Variants in PRKN observed in about 807,000 individuals in gnomAD.
The protein encoded by PRKN is E3 ubiquitin-protein ligase parkin.
A neutral mutation model predicts 59.5 loss-of-function variants in PRKN; 56 were observed. The ratio of observed to expected loss-of-function variants is 0.94; its 90% confidence interval spans 0.76 to 1.18. The LOEUF (loss-of-function observed/expected upper bound fraction) is 1.18. Among genes scored for constraint, PRKN ranks in the 50% most tolerant of loss-of-function variants. The pLI is 0.00. For synonymous variants in PRKN, 250 were observed against 222.1 expected (o/e 1.13, Z -1.12); for missense variants, 657 against 596.4 (o/e 1.10, Z -1.06).
chr6:162,376,197 C>T (rs532836481), intron 2 of PRKN, among the ~76,000 whole-genome samples: 1 of 152,076 alleles, frequency 6.6e-6, no homozygotes, highest in Non-Finnish European at 1.5e-5. Context: ...GGATTTGCCT[C>T]CAAAGAACAC....
intron 5 of PRKN, among the ~76,000 whole-genome samples, chr6:161,976,546 A>G (rs1367226128): frequency 1.3e-5 from 2 of 152,232 alleles, no homozygotes; most frequent in Non-Finnish European, 2.9e-5. Context: ...TTTCCTGAAC[A>G]TAGGATCCCA....
chr6:162,266,683 C>A (rs1365841994), intron 2 of PRKN, among the ~76,000 whole-genome samples: 1 of 152,080 alleles, frequency 6.6e-6, no homozygotes, highest in Non-Finnish European at 1.5e-5. Context: ...TCTTCCTTTC[C>A]CAGCTTTCTG....
At chr6:161,685,179 C>A (rs149946280) in intron 7 of PRKN, among the ~76,000 whole-genome samples, 2 of 152,054 alleles carry the variant, frequency 1.3e-5, no homozygotes, top group African/African-American at 4.8e-5. Flanking sequence ...TACTCTTGCT[C>A]GGCAGTTTTT....
At chr6:161,745,915 G>A (rs967037542) in intron 7 of PRKN, among the ~76,000 whole-genome samples, 1 of 152,184 alleles carries the variant, frequency 6.6e-6, no homozygotes, top group Non-Finnish European at 1.5e-5. Context: ...ACTTTCTTGT[G>A]TCTGTGCCTG....
At chr6:162,071,080 G>T (rs183872983) in intron 4 of PRKN, among the ~76,000 whole-genome samples, 1 of 152,098 alleles carries the variant, frequency 6.6e-6, no homozygotes. Context: ...GGTATTTAAA[G>T]AAAATAATTC....
intron 7 of PRKN, among the ~76,000 whole-genome samples, chr6:161,587,641 T>A (rs569879454): frequency 1.5e-3 from 225 of 151,098 alleles, no homozygotes; most frequent in East Asian, 9.5e-3. Flanking sequence ...GCTTTTTTTT[T>A]AAAAAAAAAC....
At chr6:161,804,086 C>T (rs774135325) in intron 6 of PRKN, among the ~76,000 whole-genome samples, 11 of 152,146 alleles carry the variant, frequency 7.2e-5, no homozygotes, top group Non-Finnish European at 1.0e-4. Flanking sequence ...AGTGCACGGA[C>T]GCCTCAGGGA....
intron 6 of PRKN, among the ~76,000 whole-genome samples, chr6:161,901,880 G>T (rs75861900): frequency 1.3e-5 from 2 of 152,138 alleles, no homozygotes; most frequent in Admixed American, 6.5e-5. Flanking sequence ...CTGCAGCTGC[G>T]AGTGCTTCAG....
At chr6:161,764,651 C>T (rs748589508) in intron 7 of PRKN, among the ~76,000 whole-genome samples, 49 of 152,150 alleles carry the variant, frequency 3.2e-4, no homozygotes, top group Non-Finnish European at 6.3e-4. Flanking sequence ...AAACAGGAAA[C>T]TTATTAGGGT....
chr6:162,065,195 G>A (rs1215916827), intron 4 of PRKN, among the ~76,000 whole-genome samples: 2 of 152,206 alleles, frequency 1.3e-5, no homozygotes, highest in Admixed American at 1.3e-4. Flanking sequence ...GAGTCCAAAA[G>A]CCTCAAAAGT....
At chr6:162,606,198 T>C (rs1307789003) in intron 1 of PRKN, among the ~76,000 whole-genome samples, 1 of 152,190 alleles carries the variant, frequency 6.6e-6, no homozygotes, top group Non-Finnish European at 1.5e-5. Flanking sequence ...CCTTAACCTA[T>C]GATAGGGTTA....
intron 6 of PRKN, among the ~76,000 whole-genome samples, chr6:161,914,665 C>T (rs1778488263): frequency 6.6e-6 from 1 of 152,026 alleles, no homozygotes; most frequent in Non-Finnish European, 1.5e-5. Context: ...ACTTTGGCCT[C>T]ATACATGGAT....
At chr6:162,462,986 T>C (rs1791241697) in intron 1 of PRKN, among the ~76,000 whole-genome samples, 1 of 151,866 alleles carries the variant, frequency 6.6e-6, no homozygotes, top group Admixed American at 6.6e-5. Context: ...CCCAGCTACT[T>C]GGGAGGCTGA....
intron 2 of PRKN, among the ~76,000 whole-genome samples, chr6:162,373,471 T>G (rs1785880000): frequency 6.6e-6 from 1 of 152,202 alleles, no homozygotes; most frequent in South Asian, 2.1e-4. Context: ...CTGAGTACTT[T>G]CTTTTCCAAC....
intron 7 of PRKN, among the ~76,000 whole-genome samples, chr6:161,737,170 A>C (rs193105656): frequency 6.0e-4 from 92 of 152,302 alleles, no homozygotes; most frequent in African/African-American, 2.0e-3. Context: ...CAGGAAGAGG[A>C]GGGGCTGACG....
At position 161,391,083 on chromosome 6, in the gene PRKN, A is replaced by T. The variant is rs1045774110; in HGVS notation, c.1084-4206T>A. 6.6e-6 allele frequency among the ~76,000 whole-genome samples: 1 copy of T among 152,146 alleles called. No homozygotes were observed. The highest frequency in any genetic ancestry group is 1.5e-5 in the Non-Finnish European group (1 of 68,036). ...CCAGTTTGCAAACACTTCCCATGGC[A>T]TAGCTGTTTCTAGAGAAAAAGCTTG... On this transcript the variant is annotated intron_variant, in intron 9 of 11. Transcript: ENST00000366898. This position sits in a 1 kb window ranked among gnomAD's most constrained non-coding sequence, Gnocchi z 4.9.
intron 7 of PRKN, among the ~76,000 whole-genome samples, chr6:161,599,469 T>G (rs575151496): frequency 6.6e-6 from 1 of 152,368 alleles, no homozygotes; most frequent in African/African-American, 2.4e-5. Flanking sequence ...AACTTATCCT[T>G]AAGACTATTG....
intron 9 of PRKN, among the ~76,000 whole-genome samples, chr6:161,539,270 G>T (rs935032916): frequency 1.3e-5 from 2 of 152,152 alleles, no homozygotes; most frequent in Non-Finnish European, 2.9e-5. Flanking sequence ...ATGTTTCAGA[G>T]ACCCTATTTT....
At chr6:162,198,649 C>T (rs1784594700) in intron 4 of PRKN, among the ~76,000 whole-genome samples, 1 of 151,774 alleles carries the variant, frequency 6.6e-6, no homozygotes, top group African/African-American at 2.4e-5. Context: ...TAGGTAAGAG[C>T]AAAGGAAGTC....
Sources: allele counts gnomAD v4.1 joint callset (sites outside exome capture counted in the v4.1 genomes callset), GRCh38; gene constraint gnomAD v4.1.1; non-coding constraint Gnocchi (gnomAD v3.1); transcripts MANE v1.5; gene names NCBI Gene and HGNC (gene_info 2026-07-23, HGNC 2026-07-21).